The following ASIP variants were observed in gnomAD, a reference collection of about 807,000 sequenced individuals.
The protein encoded by ASIP is agouti signaling protein.
ASIP carries 11 observed loss-of-function variants against 10.3 expected under a neutral mutation model. The ratio of observed to expected loss-of-function variants is 1.07; its 90% CI spans 0.68 to 1.78. The LOEUF is 1.78. ASIP is among the 40% of genes most tolerant of loss of function. ASIP has a pLI of 0.00. For synonymous variants in ASIP, 70 were observed against 70.8 expected, an observed-to-expected ratio of 0.99 and a Z score of 0.06; for missense variants, 180 against 169.2, an observed-to-expected ratio of 1.06 and a Z score of -0.35.
rs559576652 is a variant in ASIP, at chr20:34,200,320, G to A, written c.-11+5560G>A. On this transcript the variant is annotated intron_variant, in intron 1 of 3. Transcript: ENST00000568305. ...AACAGGATGTAAAGCAAACTTAATT[G>A]TAATTACTTTATTCTGCCGATTAAG... Among the ~76,000 whole-genome samples the A allele has an allele frequency of 2.6e-5, 4 of 152,272 alleles. No individual in the cohort carries two copies. In the South Asian group the frequency reaches 8.3e-4, roughly 32 times the overall value.
upstream of ASIP, among the ~76,000 whole-genome samples, chr20:34,237,251 T>TTTC (rs1299419828): frequency 8.9e-5 from 12 of 135,406 alleles, no homozygotes; most frequent in Non-Finnish European, 1.8e-4. Flanking sequence ...ATGGGTTTTT[T>TTTC]TTCTATTTCT....
In ASIP at chr20:34,269,150, C is replaced by A. The variant is rs750021106; in HGVS notation, c.382C>A (p.Leu128Ile). ...CCGCAGCGCCTGCTCCTGCCGCGTG[C>A]TCAGCCTCAACTGCTGAGCGCCCCC... ...FFRSACSCRV[L>I]SLNC Residue 128 changes from leucine to isoleucine, a missense_variant, in exon 4 of 4, where the codon CTC becomes ATC. Coordinates refer to ENST00000374954, the MANE Select transcript of ASIP (RefSeq NM_001672.3). 6.5e-7 allele frequency: 1 copy of A among 1,546,242 alleles called. No homozygotes were observed. The highest frequency in any genetic ancestry group is 2.0e-5 in the Admixed American group (1 of 51,044).
Position 34,258,690 on chromosome 20 carries a change from T to TATATATATATATATATATACACAC in ASIP, c.-10-1674_-10-1673insTATATATATATATATATACACACA, listed in dbSNP as rs1250992566. Among the ~76,000 whole-genome samples the TATATATATATATATATATACACAC allele has an allele frequency of 1.5e-4, 11 of 72,306 alleles. 1 individual carries two copies. Among genetic ancestry groups the TATATATATATATATATATACACAC allele is most frequent in the Middle Eastern group, 0.011 (2 of 188 alleles). 47.4% of individuals were successfully genotyped at this position (72,306 alleles called of 152,430 possible). A position where few individuals can be genotyped will look rare whatever the true frequency, so the allele number is the denominator to read the frequency against. On this transcript the variant is annotated intron_variant, in intron 1 of 3. Coordinates refer to ENST00000374954, the MANE Select transcript of ASIP (RefSeq NM_001672.3). ...GGGGGATGCCATATATATATATATATACATACTATATATATATATTATATA... is the reference window on the plus strand; with the variant it reads ...GGGGGATGCCATATATATATATATATATATATATATATATATATACACACACATACTATATATATATATTATATA...
At chr20:34,244,104 G>A (rs2035330647) in intron 1 of ASIP, among the ~76,000 whole-genome samples, 1 of 152,098 alleles carries the variant, frequency 6.6e-6, no homozygotes, top group Admixed American at 6.6e-5. Flanking sequence ...ATTCAAGATC[G>A]TAATTTGCAT....
chr20:34,253,011 C>G (rs561198428), intron 1 of ASIP, among the ~76,000 whole-genome samples: 3 of 152,306 alleles, frequency 2.0e-5, no homozygotes, highest in African/African-American at 7.2e-5. Context: ...AACAGCATCT[C>G]AAAGCAGAAA....
chr20:34,239,478 A>G (rs550199328), upstream of ASIP, among the ~76,000 whole-genome samples: 57 of 152,290 alleles, frequency 3.7e-4, no homozygotes, highest in Non-Finnish European at 7.4e-4. Context: ...CGGCCTCCCA[A>G]TCAAATTCTT....
At chr20:34,226,154 T>C (rs964465025) in intron 1 of ASIP, among the ~76,000 whole-genome samples, 3 of 152,112 alleles carry the variant, frequency 2.0e-5, no homozygotes, top group Non-Finnish European at 4.4e-5. Context: ...CACCTTGGCT[T>C]CCCAAAGTGC....
intron 1 of ASIP, among the ~76,000 whole-genome samples, chr20:34,221,838 A>G (rs913959365): frequency 2.0e-5 from 3 of 152,184 alleles, no homozygotes; most frequent in Non-Finnish European, 4.4e-5. Flanking sequence ...GGCCAGCCAC[A>G]GTGGCTCACA....
intron 1 of ASIP, among the ~76,000 whole-genome samples, chr20:34,206,087 G>A (rs1291509394): frequency 1.3e-5 from 2 of 152,158 alleles, no homozygotes; most frequent in Non-Finnish European, 2.9e-5. Flanking sequence ...CTGCCTCCCA[G>A]GTTCAAGCAA....
intron 1 of ASIP, among the ~76,000 whole-genome samples, chr20:34,234,078 T>C (rs2035146445): frequency 6.6e-6 from 1 of 152,220 alleles, no homozygotes; most frequent in Non-Finnish European, 1.5e-5. Flanking sequence ...GGTGTCACCA[T>C]GTCCAATGTT....
At chr20:34,193,908 C>T (rs1012900514), upstream of ASIP, among the ~76,000 whole-genome samples, 1 of 152,206 alleles carries the variant, frequency 6.6e-6, no homozygotes. Context: ...CTTTGTTGTG[C>T]CATGTGGCTG....
chr20:34,213,840 GC>G, intron 1 of ASIP: 2 of 1,532,240 alleles, frequency 1.3e-6, no homozygotes, highest in Admixed American at 3.3e-5. Flanking sequence ...CTTCGGAACA[GC>G]CACACTGTTT....
intron 1 of ASIP, 130 bp downstream of exon 1, chr20:34,241,619 G>A: frequency 1.2e-6 from 1 of 840,340 alleles, no homozygotes; most frequent in South Asian, 5.4e-5. Context: ...TCACTTTTGT[G>A]GGTCAGAGTA....
At chr20:34,235,858 AAGGAAGGAAAG>A (rs2035185540) in intron 1 of ASIP, among the ~76,000 whole-genome samples, 1 of 35,436 alleles carries the variant, frequency 2.8e-5, no homozygotes, top group African/African-American at 4.3e-4. Flanking sequence ...GGAAGGAAGG[AAGGAAGGAAAG>A]GAAGGAAGGA....
At chr20:34,207,764 C>T (rs2034946752) in intron 1 of ASIP, among the ~76,000 whole-genome samples, 1 of 150,974 alleles carries the variant, frequency 6.6e-6, no homozygotes, top group Non-Finnish European at 1.5e-5. Context: ...GTTTTTCCAG[C>T]ACCATTTATT....
At chr20:34,225,280 C>G in intron 1 of ASIP, among the ~76,000 whole-genome samples, 1 of 152,038 alleles carries the variant, frequency 6.6e-6, no homozygotes, top group Non-Finnish European at 1.5e-5. Flanking sequence ...ATCCCATGAT[C>G]TGCCTGCCTA....
At chr20:34,252,899 A>G (rs1239580906) in intron 1 of ASIP, among the ~76,000 whole-genome samples, 3 of 152,192 alleles carry the variant, frequency 2.0e-5, no homozygotes, top group South Asian at 4.1e-4. Context: ...GCCTGCAAAC[A>G]TGTTAACAAG....
intron 1 of ASIP, among the ~76,000 whole-genome samples, chr20:34,244,724 CAG>C (rs1190247494): frequency 1.3e-5 from 2 of 152,214 alleles, no homozygotes; most frequent in African/African-American, 4.8e-5. Context: ...CTGTTTCAAA[CAG>C]CGCACATTCA....
At chr20:34,202,731 A>G (rs1357851980) in intron 1 of ASIP, among the ~76,000 whole-genome samples, 1 of 151,660 alleles carries the variant, frequency 6.6e-6, no homozygotes, top group Admixed American at 6.6e-5. Context: ...GTAACTTTGC[A>G]ATAAGTTTTG....
Sources: gnomAD v4.1 joint callset for allele counts (sites outside exome capture counted in the v4.1 genomes callset) on GRCh38, gnomAD v4.1.1 for gene constraint, MANE v1.5 for transcripts, NCBI Gene and HGNC (gene_info 2026-07-23, HGNC 2026-07-21) for gene names.